HNRNPH1: variants seen among roughly 807,000 people sequenced by gnomAD.
HNRNPH1 encodes the protein heterogeneous nuclear ribonucleoprotein H.
HNRNPH1 carries 4 observed loss-of-function variants against 58.6 expected under a neutral mutation model. That is an observed-to-expected ratio of 0.07 (90% CI 0.03 to 0.16). The LOEUF is 0.16. Ranked by LOEUF, HNRNPH1 falls within the 10% of genes least tolerant of loss-of-function variation. The pLI is 1.00. For synonymous variants in HNRNPH1, 192 were observed against 189.2 expected (o/e 1.01, Z -0.12); for missense variants, 271 against 564.2 (o/e 0.48, Z 5.26).
chr5:179,629,342 G>T (rs1245353758), upstream of HNRNPH1: 3 of 151,578 alleles, frequency 2.0e-5, no homozygotes, highest in Non-Finnish European at 4.4e-5. Flanking sequence ...GCCCAGGCTG[G>T]AGTGCAGTGG....
upstream of HNRNPH1, among the ~76,000 whole-genome samples, chr5:179,627,586 CCA>C (rs1349019325): frequency 6.6e-6 from 1 of 151,844 alleles, no homozygotes; most frequent in Non-Finnish European, 1.5e-5. Context: ...ACTGCAACCT[CCA>C]CCTCCCGGGT....
Position 179,614,961 on chromosome 5 carries a change from T to TG in HNRNPH1, c.*1-3dup. 6.7e-7 allele frequency: 1 copy of TG among 1,490,474 alleles called. No individual in the cohort carries two copies. The highest frequency in any genetic ancestry group is 9.2e-7 in the Non-Finnish European group (1 of 1,092,242). The allele number at this position is 1,490,474 out of a possible 1,614,324, so 92.3% of individuals were successfully genotyped here. The stretch of plus-strand genomic sequence containing the variant: ...TGCTGTTCACTGCTCCTTGGTTACC[T>TG]GCAAAGAGATCAATTTGACAAGTTA... On this transcript the variant is annotated splice_polypyrimidine_tract_variant and splice_region_variant and intron_variant, in intron 12 of 12. Transcript: ENST00000356731.
chr5:179,618,403 A>G, intron 4 of HNRNPH1, 80 bp from the exon 6 acceptor site: 1 of 984,402 alleles, frequency 1.0e-6, no homozygotes. Flanking sequence ...TAGTTATACA[A>G]GAAAACAATC....
At chr5:179,622,762 TAAAGA>T (rs1311185625) in intron 1 of HNRNPH1, 2 of 151,992 alleles carry the variant, frequency 1.3e-5, no homozygotes, top group African/African-American at 4.8e-5. Context: ...CAAAGATAGG[TAAAGA>T]AAACAAAGTC....
chr5:179,632,114 G>C (rs62392795), intron 2 of HNRNPH1, among the ~76,000 whole-genome samples: 2 of 151,986 alleles, frequency 1.3e-5, no homozygotes, highest in African/African-American at 4.8e-5. Flanking sequence ...AGACCATCCC[G>C]GCTAACACGG....
exon 13 of HNRNPH1, chr5:179,614,577 TTAAG>T (rs1768539579): frequency 3.6e-6 from 1 of 279,810 alleles, no homozygotes; most frequent in Non-Finnish European, 6.9e-6. Context: ...CGCTTACTGC[TTAAG>T]TACATCCTAT....
At chr5:179,620,440 G>T (rs139205593) in intron 3 of HNRNPH1, among the ~76,000 whole-genome samples, 1 of 152,274 alleles carries the variant, frequency 6.6e-6, no homozygotes, top group African/African-American at 2.4e-5. Context: ...TTCATAAACC[G>T]ACTTTTGCAT....
chr5:179,627,459 C>T (rs1234162532), upstream of HNRNPH1, among the ~76,000 whole-genome samples: 2 of 151,684 alleles, frequency 1.3e-5, no homozygotes, highest in African/African-American at 4.8e-5. Context: ...TCTCAAAGCC[C>T]TGGGATTATT....
chr5:179,616,317 A>T, intron 10 of HNRNPH1, 99 bp from the exon 12 acceptor site: 1 of 955,576 alleles, frequency 1.0e-6, no homozygotes, highest in Non-Finnish European at 1.7e-6. Flanking sequence ...TCCAGTCTTG[A>T]TCTTACATTA....
exon 13 of HNRNPH1, chr5:179,614,182 G>A (rs1039710304): frequency 1.3e-5 from 2 of 152,308 alleles, no homozygotes; most frequent in Non-Finnish European, 2.9e-5. Flanking sequence ...ACAGAGTGCA[G>A]TTTTTAAAAG....
intron 11 of HNRNPH1, 116 bp downstream of exon 12, chr5:179,616,010 C>G: frequency 1.2e-6 from 1 of 868,520 alleles, no homozygotes; most frequent in Middle Eastern, 2.3e-4. Context: ...ACTAAAGGCA[C>G]CTGCCTGCGA....
intron 1 of HNRNPH1, 48 bp from the exon 3 acceptor site, chr5:179,621,445 C>T (rs1365961636): frequency 2.6e-6 from 4 of 1,533,764 alleles, no homozygotes; most frequent in Middle Eastern, 2.3e-4. Context: ...CTAAAACCAC[C>T]TCTGGGTGAC....
chr5:179,628,519 A>G (rs929478534), upstream of HNRNPH1, among the ~76,000 whole-genome samples: 1 of 152,060 alleles, frequency 6.6e-6, no homozygotes, highest in Non-Finnish European at 1.5e-5. Flanking sequence ...ACACCCAGCT[A>G]ATTTTTGTGT....
chr5:179,629,078 A>T (rs1581768520), upstream of HNRNPH1: 2 of 146,792 alleles, frequency 1.4e-5, no homozygotes, highest in East Asian at 4.2e-4. Context: ...TGGGCAGATC[A>T]CAAGGTCAGC....
chr5:179,617,375 A>G, intron 8 of HNRNPH1, 139 bp downstream of exon 9: 1 of 1,030,084 alleles, frequency 9.7e-7, no homozygotes, highest in South Asian at 1.6e-5. Flanking sequence ...CCTTCAACAC[A>G]CTGCCCCCGC....
chr5:179,633,461 ATTTTTTTT>A (rs762139490), intron 2 of HNRNPH1, among the ~76,000 whole-genome samples: 33 of 102,588 alleles, frequency 3.2e-4, no homozygotes, highest in African/African-American at 9.8e-4. Flanking sequence ...CACCCGGCTA[ATTTTTTTT>A]TTTTTTTTTT....
chr5:179,618,486 T>G (rs191900681), intron 4 of HNRNPH1, 163 bp from the exon 6 acceptor site: 105 of 494,608 alleles, frequency 2.1e-4, no homozygotes, highest in African/African-American at 2.0e-3. Flanking sequence ...GACCAGAAAT[T>G]CACTCAATAA....
intron 4 of HNRNPH1, 65 bp downstream of exon 5, chr5:179,619,204 G>C (rs1035319924): frequency 1.5e-6 from 2 of 1,338,906 alleles, no homozygotes; most frequent in Non-Finnish European, 2.1e-6. Context: ...TTTAAGCAGA[G>C]AGAATATGGA....
rs1012426878 is a variant in HNRNPH1, at chr5:179,615,020, T to C, written c.*1-61A>G. 7.5e-5 allele frequency: 77 copies of C among 1,022,858 alleles called. 1 individual carries two copies. In the African/African-American group the frequency reaches 9.7e-4, roughly 13 times the overall value. The allele number at this position is 1,022,858 out of a possible 1,614,324, so 63.4% of individuals were successfully genotyped here. A position where few individuals can be genotyped will look rare whatever the true frequency, so the allele number is the denominator to read the frequency against. ...ATCAGACTACCAGTCAAATAAAATA[T>C]AGTATTCCAAGAAAAAGTTTAAAAA... is the stretch of plus-strand genomic sequence containing the variant. On this transcript the variant is annotated intron_variant, in intron 12 of 12. Coordinates refer to ENST00000356731, the Ensembl canonical transcript of HNRNPH1.
Sources: allele counts gnomAD v4.1 joint callset (sites outside exome capture counted in the v4.1 genomes callset), GRCh38; gene constraint gnomAD v4.1.1; transcripts MANE v1.5; gene names NCBI Gene and HGNC (gene_info 2026-07-23, HGNC 2026-07-21).